Variants in IHO1 observed in about 807,000 individuals in gnomAD.
IHO1 encodes interactor of HORMAD1 protein 1.
In IHO1, 13 loss-of-function variants were observed where a neutral mutation model predicts 31.0. That is an observed-to-expected ratio of 0.42 (90% CI 0.27 to 0.67). IHO1 has a LOEUF of 0.67. IHO1 is among the 30% of genes least tolerant of loss of function. The probability of loss-of-function intolerance (pLI) is 0.24; values close to 1 mark genes in which losing one functional copy is unlikely to be tolerated. For missense variants in IHO1, 599 were observed against 687.5 expected, an observed-to-expected ratio of 0.87 and a Z score of 1.44; for synonymous variants, 221 against 248.4, an observed-to-expected ratio of 0.89 and a Z score of 1.04.
rs1057051976 is a variant in IHO1, at chr3:49,200,534, G to T, written c.-16+961G>T. 2.4e-5 allele frequency: 23 copies of T among 940,960 alleles called. 1 individual carries two copies. Among genetic ancestry groups the T allele is most frequent in the Non-Finnish European group, 2.6e-5 (21 of 804,280 alleles). The allele number at this position is 940,960 out of a possible 1,614,324, so 58.3% of individuals were successfully genotyped here. On this transcript the variant is annotated intron_variant, in intron 1 of 7. Coordinates refer to ENST00000452691, the MANE Select transcript of IHO1 (RefSeq NM_001135197.2). Reference sequence around the variant, plus strand: ...AAGAAAGAAAAGAAAAAAGATTGTCGCAGTAGAGTTGACGACGGTGGTCAG... The same window carrying T: ...AAGAAAGAAAAGAAAAAAGATTGTCTCAGTAGAGTTGACGACGGTGGTCAG...
intron 2 of IHO1, among the ~76,000 whole-genome samples, chr3:49,235,818 T>C (rs1475196095): frequency 2.0e-5 from 3 of 149,538 alleles, no homozygotes; most frequent in African/African-American, 7.4e-5. Context: ...TAATCCCAGC[T>C]ACTCAGGAGG....
In IHO1 at chr3:49,256,161, T is replaced by G; in HGVS notation, c.664T>G (p.Ser222Ala). 1 of 1,612,460 alleles carries G rather than the reference T, an allele frequency of 6.2e-7. No individual in the cohort carries two copies. Among genetic ancestry groups the G allele is most frequent in the Non-Finnish European group, 8.5e-7 (1 of 1,179,302 alleles). ...ARQGEFIEMK[S>A]NLKHLEVLVA... is the part of the protein sequence containing the mutation. ...ACAAGGAGAGTTTATAGAAATGAAGTCCAACCTGAAGCACCTTGAAGTTTT... is the reference window on the plus strand; with the variant it reads ...ACAAGGAGAGTTTATAGAAATGAAGGCCAACCTGAAGCACCTTGAAGTTTT... The change falls in exon 8 of 8, where the codon TCC becomes GCC. Residue 222 changes from serine to alanine, a missense_variant. Transcript: ENST00000452691. This position sits in a 1 kb window ranked among gnomAD's most constrained non-coding sequence, Gnocchi z 4.6.
intron 6 of IHO1, among the ~76,000 whole-genome samples, chr3:49,253,561 C>T (rs2046787582): frequency 6.6e-6 from 1 of 152,152 alleles, no homozygotes; most frequent in South Asian, 2.1e-4. Flanking sequence ...ATGTTTCAGC[C>T]ATGCTGATCT....
At chr3:49,251,871 G>A (rs1025882685) in intron 6 of IHO1, among the ~76,000 whole-genome samples, 5 of 151,482 alleles carry the variant, frequency 3.3e-5, no homozygotes, top group African/African-American at 9.7e-5. Context: ...CGAAGTGCTG[G>A]GATTACGGGC....
intron 6 of IHO1, among the ~76,000 whole-genome samples, chr3:49,254,061 T>C (rs777614874): frequency 5.3e-5 from 8 of 152,122 alleles, no homozygotes; most frequent in Non-Finnish European, 1.0e-4. Flanking sequence ...TTCGAACTCC[T>C]GACCTCAGGT....
chr3:49,244,486 T>A (rs377627581), intron 5 of IHO1, 34 bp downstream of exon 5: 220 of 1,444,946 alleles, frequency 1.5e-4, no homozygotes, highest in South Asian at 1.4e-3. Context: ...AGTTAGAACA[T>A]CTTATATTTT....
At chr3:49,253,251 C>G (rs1324236902) in intron 6 of IHO1, among the ~76,000 whole-genome samples, 1 of 151,848 alleles carries the variant, frequency 6.6e-6, no homozygotes, top group Non-Finnish European at 1.5e-5. Context: ...CATGGCAAAA[C>G]CCCATCTCTA....
At chr3:49,214,633 T>TATATATATATA (rs71278651) in intron 2 of IHO1, among the ~76,000 whole-genome samples, 7 of 25,576 alleles carry the variant, frequency 2.7e-4, no homozygotes, top group African/African-American at 6.9e-4. Flanking sequence ...TATATATATA[T>TATATATATATA]TTTTTTTTTT....
chr3:49,231,587 A>G (rs977079374), intron 2 of IHO1, among the ~76,000 whole-genome samples: 1 of 152,208 alleles, frequency 6.6e-6, no homozygotes, highest in Non-Finnish European at 1.5e-5. Flanking sequence ...TTAATTGAAA[A>G]TGTGCAGTTA....
chr3:49,257,391 G>A lies in IHO1; in HGVS notation c.*109G>A. The A allele has an allele frequency of 8.8e-7, 1 of 1,138,072 alleles. No homozygotes were observed. The highest frequency in any genetic ancestry group is 1.5e-5 in the South Asian group (1 of 67,922). The allele number at this position is 1,138,072 out of a possible 1,614,324, so 70.5% of individuals were successfully genotyped here. ...AGCCTGCCAAGTACCCAGGGTCAGAGGCCCTGCTGAGGTGGGGCAATGAGC... is the reference window on the plus strand; with the variant it reads ...AGCCTGCCAAGTACCCAGGGTCAGAAGCCCTGCTGAGGTGGGGCAATGAGC... On this transcript the variant is annotated 3_prime_UTR_variant, in exon 8 of 8. Coordinates refer to ENST00000452691, the MANE Select transcript of IHO1 (RefSeq NM_001135197.2).
At position 49,218,218 on chromosome 3, in the gene IHO1, T is replaced by G. The variant is rs368373200; in HGVS notation, c.56+6382T>G. 1.2e-4 allele frequency among the ~76,000 whole-genome samples: 18 copies of G among 151,864 alleles called. No individual in the cohort carries two copies. In the East Asian group the frequency reaches 2.5e-3, roughly 21 times the overall value. ...CTGGGCACAAGCAAGCTGAGGTGTA[T>G]CCTGGTTCCCACCTCTCCGTCTGCA... On this transcript the variant is annotated intron_variant, in intron 2 of 7. Coordinates refer to ENST00000452691, the MANE Select transcript of IHO1 (RefSeq NM_001135197.2).
At chr3:49,244,785 C>T (rs2046674888) in intron 6 of IHO1, 52 bp downstream of exon 6, 2 of 1,490,418 alleles carry the variant, frequency 1.3e-6, no homozygotes, top group Non-Finnish European at 1.9e-6. Context: ...GAATGATGAA[C>T]ATGAACTTTC....
At chr3:49,225,226 G>T (rs1213848564) in intron 2 of IHO1, among the ~76,000 whole-genome samples, 1 of 152,226 alleles carries the variant, frequency 6.6e-6, no homozygotes, top group Non-Finnish European at 1.5e-5. Context: ...AGCACTTTGG[G>T]AGGCTGAGGC....
At chr3:49,191,593 C>T in the IHO1 span, 6 of 834,236 alleles carry the variant, frequency 7.2e-6, no homozygotes, top group Non-Finnish European at 1.2e-5. Flanking sequence ...CAGGGGTGAC[C>T]TCAAGATGGT....
At chr3:49,248,635 G>C in intron 6 of IHO1, among the ~76,000 whole-genome samples, 1 of 151,458 alleles carries the variant, frequency 6.6e-6, no homozygotes, top group East Asian at 1.9e-4. Context: ...TGGGAGGCAG[G>C]AGAATCACTT....
intron 6 of IHO1, among the ~76,000 whole-genome samples, chr3:49,254,830 G>A (rs992171536): frequency 6.6e-6 from 1 of 152,056 alleles, no homozygotes; most frequent in Non-Finnish European, 1.5e-5. Context: ...TTGGGAGGCC[G>A]AGGCGGGCAG....
intron 1 of IHO1, chr3:49,199,775 C>A (rs2046029668): frequency 6.6e-6 from 1 of 152,450 alleles, no homozygotes; most frequent in South Asian, 2.1e-4. Context: ...GGCTTCACTT[C>A]CGCGCTTATC....
At chr3:49,219,331 A>C (rs950967241) in intron 2 of IHO1, among the ~76,000 whole-genome samples, 11 of 152,246 alleles carry the variant, frequency 7.2e-5, no homozygotes, top group African/African-American at 2.7e-4. Context: ...ATCCTAAACC[A>C]CAACCAATAG....
chr3:49,210,024 TC>T lies in IHO1; in HGVS notation c.-15-1741del, dbSNP rs1372549513. On this transcript the variant is annotated intron_variant, in intron 1 of 7. Transcript: ENST00000452691. ...AGCCACCGCACCCAGCCTCTTTCTT[TC>T]TTTCTTTTTTTTTTTTTTTAAGAGA... Among the ~76,000 whole-genome samples the T allele has an allele frequency of 1.8e-3, 271 of 150,884 alleles. 7 individuals are homozygous for T. The highest frequency in any genetic ancestry group is 6.3e-3 in the African/African-American group (261 of 41,106).
Sources: allele counts gnomAD v4.1 joint callset (sites outside exome capture counted in the v4.1 genomes callset), GRCh38; gene constraint gnomAD v4.1.1; non-coding constraint Gnocchi (gnomAD v3.1); transcripts MANE v1.5; gene names NCBI Gene and HGNC (gene_info 2026-07-23, HGNC 2026-07-21).